ANKRD17: variants seen among roughly 807,000 people sequenced by gnomAD.
ANKRD17 encodes the protein ankyrin repeat domain 17, also known as ankyrin repeat domain-containing protein 17.
ANKRD17 carries 19 observed loss-of-function variants against 229.7 expected under a neutral mutation model. The observed-to-expected ratio is 0.08, with a 90% CI of 0.06 to 0.12. The LOEUF (loss-of-function observed/expected upper bound fraction) is 0.12, where lower values mean the gene tolerates loss of function less well. Among genes scored for constraint, ANKRD17 ranks in the 10% least tolerant of loss-of-function variants. ANKRD17 has a pLI of 1.00. For missense variants in ANKRD17, 2,176 were observed against 3,176.8 expected (o/e 0.68, Z 7.57); for synonymous variants, 1,112 against 1,146.1 (o/e 0.97, Z 0.60).
intron 25 of ANKRD17, among the ~76,000 whole-genome samples, chr4:73,101,957 G>T (rs1724059117): frequency 6.6e-6 from 1 of 151,474 alleles, no homozygotes. Context: ...TTGATAGAAG[G>T]TCTTGCTCTG....
At chr4:73,094,720 A>ATG (rs1415024753) in intron 27 of ANKRD17, among the ~76,000 whole-genome samples, 54 of 112,618 alleles carry the variant, frequency 4.8e-4, no homozygotes, top group East Asian at 2.4e-3. Flanking sequence ...ACATGTATAT[A>ATG]TGTGTATATA....
In ANKRD17 at chr4:73,155,654, T is replaced by A; in HGVS notation, c.977A>T (p.Asp326Val). The A allele has an allele frequency of 6.2e-7, 1 of 1,614,134 alleles. No individual in the cohort carries two copies. The highest frequency in any genetic ancestry group is 1.1e-5 in the South Asian group (1 of 91,074). Residue 326 changes from aspartate to valine, a missense_variant, in exon 5 of 34, where the codon GAT (aspartate) becomes GTT (valine). Transcript: ENST00000358602. The part of the protein sequence containing the change: ...IVKLLLAHKA[D>V]VNAQSSTGNT... ...ACCTGTTGAAGACTGTGCATTAACA[T>A]CTGCTTTATGAGCTAGCAGCAACTT...
At chr4:73,083,409 C>T (rs910791125) in intron 30 of ANKRD17, among the ~76,000 whole-genome samples, 2 of 152,020 alleles carry the variant, frequency 1.3e-5, no homozygotes, top group African/African-American at 4.8e-5. Context: ...ATATCTGCAC[C>T]TTATTTACAA....
intron 1 of ANKRD17, among the ~76,000 whole-genome samples, chr4:73,196,200 G>A (rs1169462996): frequency 2.0e-5 from 3 of 151,768 alleles, no homozygotes; most frequent in Non-Finnish European, 2.9e-5. Context: ...GTTTTGCCAT[G>A]ATGGTTAGGC....
intron 1 of ANKRD17, among the ~76,000 whole-genome samples, chr4:73,229,984 T>C (rs540056679): frequency 6.6e-6 from 1 of 152,174 alleles, no homozygotes; most frequent in East Asian, 1.9e-4. Flanking sequence ...TGTACAAGAA[T>C]ACAGGGCCAC....
intron 2 of ANKRD17, among the ~76,000 whole-genome samples, chr4:73,170,337 T>A (rs1733816591): frequency 6.6e-6 from 1 of 151,986 alleles, no homozygotes; most frequent in Non-Finnish European, 1.5e-5. Context: ...GAAGGGAACC[T>A]GCTCCCTTGA....
Position 73,118,671 on chromosome 4 carries a change from G to A in ANKRD17, c.4188+17C>T. 1 of 1,613,200 alleles carries A rather than the reference G, an allele frequency of 6.2e-7. No homozygotes were observed. The highest frequency in any genetic ancestry group is 1.3e-5 in the African/African-American group (1 of 74,964). On this transcript the variant is annotated intron_variant, in intron 22 of 33. Coordinates refer to ENST00000358602, the MANE Select transcript of ANKRD17 (RefSeq NM_032217.5). Reference sequence around the variant, plus strand: ...AGTAAAAAAACATCCAGGTAAATGAGGATGAAAGACTTATACCTTTCTAAA... The same window carrying A: ...AGTAAAAAAACATCCAGGTAAATGAAGATGAAAGACTTATACCTTTCTAAA...
chr4:73,191,111 T>G (rs141461490), intron 1 of ANKRD17, among the ~76,000 whole-genome samples: 1 of 151,914 alleles, frequency 6.6e-6, no homozygotes, highest in Non-Finnish European at 1.5e-5. Flanking sequence ...CCAAAAAAAT[T>G]TGTTGAAAAA....
At position 73,165,629 on chromosome 4, in the gene ANKRD17, A is replaced by C. The variant is rs191321602; in HGVS notation, c.548-4281T>G. ...TTTGACAGATTTTACTCCCAAAATTAAGTTACGTTATATAGCATTGTTGAC... is the reference window on the plus strand; with the variant it reads ...TTTGACAGATTTTACTCCCAAAATTCAGTTACGTTATATAGCATTGTTGAC... On this transcript the variant is annotated intron_variant, in intron 2 of 33. Coordinates refer to ENST00000358602, the MANE Select transcript of ANKRD17 (RefSeq NM_032217.5). Among the ~76,000 whole-genome samples, 37 of 152,336 alleles carry C rather than the reference A, an allele frequency of 2.4e-4. 2 individuals are homozygous for C. In the East Asian group the frequency reaches 6.7e-3, roughly 28 times the overall value.
At chr4:73,202,787 A>G (rs1738853050) in intron 1 of ANKRD17, among the ~76,000 whole-genome samples, 1 of 152,214 alleles carries the variant, frequency 6.6e-6, no homozygotes, top group South Asian at 2.1e-4. Context: ...TCTAATAAAA[A>G]TCAGTAGACT....
intron 1 of ANKRD17, among the ~76,000 whole-genome samples, chr4:73,255,138 T>C (rs1745345873): frequency 6.6e-6 from 1 of 152,216 alleles, no homozygotes; most frequent in African/African-American, 2.4e-5. Flanking sequence ...ATCTAAGACG[T>C]GATTACCCTA....
At chr4:73,167,203 C>T (rs1733351124) in intron 2 of ANKRD17, among the ~76,000 whole-genome samples, 1 of 151,928 alleles carries the variant, frequency 6.6e-6, no homozygotes, top group South Asian at 2.1e-4. Context: ...GATAAACATA[C>T]ACAGGTTTCA....
Position 73,077,023 on chromosome 4 carries a change from T to C in ANKRD17, c.7669A>G (p.Asn2557Asp), listed in dbSNP as rs1288296700. The C allele has an allele frequency of 6.2e-7, 1 of 1,613,812 alleles. No individual in the cohort carries two copies. Among genetic ancestry groups the C allele is most frequent in the Non-Finnish European group, 8.5e-7 (1 of 1,179,888 alleles). ...GAAGGGTCTGCAGCATGAGGGCCATTAAATATGGGTCCTCCAGCACCATCA... is the reference window on the plus strand; with the variant it reads ...GAAGGGTCTGCAGCATGAGGGCCATCAAATATGGGTCCTCCAGCACCATCA... ...IPDGAGGPIF[N>D]GPHAADPSWN... The change falls in exon 33 of 34, where the codon AAT becomes GAT. Residue 2557 changes from asparagine (N) to aspartate (D), a missense_variant. Around this residue, in one of 18 missense-constraint regions of ANKRD17, gnomAD observed 159 missense variants for 214.3 expected, o/e 0.74. Coordinates refer to ENST00000358602, the MANE Select transcript of ANKRD17 (RefSeq NM_032217.5).
At chr4:73,246,437 G>C (rs1012285773) in intron 1 of ANKRD17, among the ~76,000 whole-genome samples, 1 of 152,294 alleles carries the variant, frequency 6.6e-6, no homozygotes, top group Admixed American at 6.5e-5. Flanking sequence ...ACTTGGAGCT[G>C]TATGTAGTAA....
At chr4:73,083,952 A>C (rs79215486) in intron 30 of ANKRD17, among the ~76,000 whole-genome samples, 6,228 of 151,896 alleles carry the variant, frequency 0.041, 187 homozygotes, top group African/African-American at 0.082. Context: ...CAAAACAAAA[A>C]AAAAAAAACC....
rs557863888 is a variant in ANKRD17 at position 73,114,742 on chromosome 4, G to A, written c.4285-834C>T. On this transcript the variant is annotated intron_variant, in intron 23 of 33. Coordinates refer to ENST00000358602, the MANE Select transcript of ANKRD17 (RefSeq NM_032217.5). ...GTTAATTGTCATGGACAAGTCTAGAGCTAGGAAAGACAGTGACCTAGCTAG... is the reference window on the plus strand; with the variant it reads ...GTTAATTGTCATGGACAAGTCTAGAACTAGGAAAGACAGTGACCTAGCTAG... 2.0e-5 allele frequency among the ~76,000 whole-genome samples: 3 copies of A among 152,296 alleles called. No individual in the cohort carries two copies. In the East Asian group the frequency reaches 5.8e-4, roughly 29 times the overall value.
At chr4:73,175,040 T>G (rs1012841671) in intron 2 of ANKRD17, among the ~76,000 whole-genome samples, 2 of 152,216 alleles carry the variant, frequency 1.3e-5, no homozygotes, top group African/African-American at 4.8e-5. Flanking sequence ...ATCAAAATAC[T>G]AATGACATTA....
chr4:73,077,898 C>T (rs1007505047), intron 31 of ANKRD17, among the ~76,000 whole-genome samples: 5 of 152,126 alleles, frequency 3.3e-5, no homozygotes, highest in African/African-American at 1.2e-4. Context: ...GGACAGAGCT[C>T]ATAAAGAAGT....
At chr4:73,127,704 T>A (rs1055659601) in intron 16 of ANKRD17, among the ~76,000 whole-genome samples, 3 of 152,134 alleles carry the variant, frequency 2.0e-5, no homozygotes, top group Admixed American at 2.0e-4. Flanking sequence ...CTGCAAAAGG[T>A]CATAGATTCA....
Sources: gnomAD v4.1 joint callset for allele counts (sites outside exome capture counted in the v4.1 genomes callset) on GRCh38, gnomAD v4.1.1 for gene constraint, gnomAD v4.1.1 regional missense constraint, MANE v1.5 for transcripts, NCBI Gene and HGNC (gene_info 2026-07-23, HGNC 2026-07-21) for gene names.